The following TUBGCP5 variants were observed in gnomAD, a reference collection of about 807,000 sequenced individuals.
The protein encoded by TUBGCP5 is tubulin gamma complex component 5.
In TUBGCP5, 98 loss-of-function variants were observed where a neutral mutation model predicts 134.7. The observed-to-expected ratio is 0.73, with a 90% CI of 0.62 to 0.86. The LOEUF (loss-of-function observed/expected upper bound fraction) is 0.86, where lower values mean the gene tolerates loss of function less well. TUBGCP5 is among the 40% of genes least tolerant of loss of function. The pLI, the probability that TUBGCP5 is intolerant of heterozygous loss-of-function variation, is 0.00. For synonymous variants in TUBGCP5, 456 were observed against 431.4 expected, an observed-to-expected ratio of 1.06 and a Z score of -0.71; for missense variants, 1,150 against 1,244.8, an observed-to-expected ratio of 0.92 and a Z score of 1.15.
At chr15:23,007,056 T>A (rs2064758618) in intron 16 of TUBGCP5, among the ~76,000 whole-genome samples, 1 of 152,124 alleles carries the variant, frequency 6.6e-6, no homozygotes, top group East Asian at 1.9e-4. Flanking sequence ...AAATCAGAGA[T>A]GTCACAGGGC....
intron 20 of TUBGCP5, 65 bp from the exon 21 acceptor site, chr15:23,003,218 T>A: frequency 6.8e-7 from 1 of 1,468,146 alleles, no homozygotes; most frequent in African/African-American, 1.4e-5. Flanking sequence ...CCAACACTTT[T>A]ACCTATTTTA....
intron 13 of TUBGCP5, among the ~76,000 whole-genome samples, chr15:23,012,403 C>G (rs552998533): frequency 1.3e-5 from 2 of 152,018 alleles, no homozygotes; most frequent in Non-Finnish European, 2.9e-5. Context: ...CCTTTTTAGT[C>G]AGTTGATAAA....
intron 22 of TUBGCP5, 178 bp downstream of exon 22, chr15:23,000,391 C>CA (rs1474106043): frequency 7.3e-7 from 1 of 1,378,358 alleles, no homozygotes; most frequent in East Asian, 2.6e-5. Context: ...GGCTTACACT[C>CA]ACCTCACCGT....
At chr15:23,021,925 G>A (rs1195936970) in intron 11 of TUBGCP5, 34 bp downstream of exon 11, 3 of 1,598,078 alleles carry the variant, frequency 1.9e-6, no homozygotes, top group Non-Finnish European at 1.7e-6. Flanking sequence ...TGTGCAGCAT[G>A]GAGTCACACA....
rs199739927 is a variant in TUBGCP5 at position 23,021,958 on chromosome 15, C to T, written c.1371+1G>A. 1.5e-5 allele frequency: 24 copies of T among 1,613,908 alleles called. No homozygotes were observed. The highest frequency in any genetic ancestry group is 1.9e-5 in the Non-Finnish European group (22 of 1,179,910). The stretch of plus-strand genomic sequence containing the variant: ...ACACTTTAGGCAGAAGTCTCACTTA[C>T]GGTTTGCTCAGAGGCTTCTCCAACA... On this transcript the variant is annotated splice_donor_variant, in intron 11 of 22. Coordinates refer to ENST00000615383, the MANE Select transcript of TUBGCP5 (RefSeq NM_052903.6). LOFTEE classifies it high-confidence loss of function.
rs1439558874 is a variant in TUBGCP5 at position 23,036,491 on chromosome 15, C to G, written c.309+406G>C. On this transcript the variant is annotated intron_variant, in intron 3 of 22. Transcript: ENST00000615383. Reference sequence around the variant, plus strand: ...CTTTTTTTTTTTAAGTTCTGTGAATCCTTTGAGCAAATCATTATGCCAAAA... The same window carrying G: ...CTTTTTTTTTTTAAGTTCTGTGAATGCTTTGAGCAAATCATTATGCCAAAA... Among the ~76,000 whole-genome samples the G allele has an allele frequency of 2.0e-5, 3 of 151,514 alleles. No individual in the cohort carries two copies. The Admixed American group carries it at 2.0e-4, about 10-fold the overall frequency.
chr15:23,039,499 C>T lies in TUBGCP5; in HGVS notation c.45G>A (p.Gln15=), dbSNP rs1424453914. The T allele has an allele frequency of 4.0e-6, 6 of 1,512,496 alleles. No individual in the cohort carries two copies. The highest frequency in any genetic ancestry group is 5.3e-6 in the Non-Finnish European group (6 of 1,123,612). The allele number at this position is 1,512,496 out of a possible 1,614,324, so 93.7% of individuals were successfully genotyped here. A position where few individuals can be genotyped will look rare whatever the true frequency, so the allele number is the denominator to read the frequency against. Residue 15 remains glutamine, a synonymous_variant, in exon 1 of 23, where the codon CAG becomes CAA. Coordinates refer to ENST00000615383, the MANE Select transcript of TUBGCP5 (RefSeq NM_052903.6). Reference sequence around the variant, plus strand: ...GGACGAGCTCCCGCACGTCGCGCTCCTGCTGCGCGTCCAACCGACTCCACG... The same window carrying T: ...GGACGAGCTCCCGCACGTCGCGCTCTTGCTGCGCGTCCAACCGACTCCACG... ...GPPWSRLDAQ[Q]ERDVRELVRG...
chr15:23,035,676 G>C (rs949567696), intron 3 of TUBGCP5, among the ~76,000 whole-genome samples: 7 of 152,046 alleles, frequency 4.6e-5, no homozygotes, highest in African/African-American at 1.7e-4. Flanking sequence ...GCACATATTG[G>C]TACTCGTCCA....
At chr15:23,016,503 A>T (rs1320464006) in intron 13 of TUBGCP5, among the ~76,000 whole-genome samples, 1 of 151,960 alleles carries the variant, frequency 6.6e-6, no homozygotes, top group Non-Finnish European at 1.5e-5. Flanking sequence ...TCAGGAAAAA[A>T]AAAAAAAAAA....
chr15:23,022,143 G>T lies in TUBGCP5; in HGVS notation c.1187C>A (p.Ala396Glu). The T allele has an allele frequency of 6.2e-7, 1 of 1,614,136 alleles. No individual in the cohort carries two copies. Among genetic ancestry groups the T allele is most frequent in the Non-Finnish European group, 8.5e-7 (1 of 1,180,014 alleles). ...AGGTGCCAACTTGTCCACCACTATT[G>T]CAAGAGTTATTGTAGTATCTGCAAA... ...IINNDTTITLAIVVDKLAPRL... is the reference protein window; with the variant it reads ...IINNDTTITLEIVVDKLAPRL... The change falls in exon 11 of 23, where the codon GCA becomes GAA. Residue 396 changes from alanine to glutamate, a missense_variant. Ala to Glu is a moderately radical substitution (Grantham distance 107, BLOSUM62 -1). Coordinates refer to ENST00000615383, the MANE Select transcript of TUBGCP5 (RefSeq NM_052903.6).
rs28884540 is a variant in TUBGCP5 at position 23,034,716 on chromosome 15, G to A, written c.310-1892C>T. Among the ~76,000 whole-genome samples, 1,064 of 152,020 alleles carry A rather than the reference G, an allele frequency of 7.0e-3. 16 individuals are homozygous for A. Among genetic ancestry groups the A allele is most frequent in the African/African-American group, 0.024 (996 of 41,480 alleles). ...TCTACTAAAAATACAAAAATTAGCC[G>A]GGCGGGGTGGTGTACGCTTGTAATC... On this transcript the variant is annotated intron_variant, in intron 3 of 22. Coordinates refer to ENST00000615383, the MANE Select transcript of TUBGCP5 (RefSeq NM_052903.6).
At chr15:22,984,645 T>A (rs185059078) in intron 23 of TUBGCP5, among the ~76,000 whole-genome samples, 82 of 152,082 alleles carry the variant, frequency 5.4e-4, no homozygotes, top group Middle Eastern at 3.4e-3. Context: ...AAACTTTTTT[T>A]AAAAATGGTG....
rs76128783 is a variant in TUBGCP5 at position 23,022,398 on chromosome 15, A to G, written c.1169-237T>C. On this transcript the variant is annotated intron_variant, in intron 10 of 22. Transcript: ENST00000615383. ...TAAAGGAACTGACAGTTCATAAAAA[A>G]GGAATGATGAGTGATTCTAAAACAT... is the stretch of plus-strand genomic sequence containing the variant. Among the ~76,000 whole-genome samples the G allele has an allele frequency of 6.2e-3, 948 of 152,342 alleles. 11 individuals are homozygous for G. Among genetic ancestry groups the G allele is most frequent in the African/African-American group, 0.021 (880 of 41,582 alleles).
intron 23 of TUBGCP5, among the ~76,000 whole-genome samples, chr15:22,986,251 C>T (rs1045631686): frequency 8.6e-5 from 13 of 151,630 alleles, no homozygotes; most frequent in Non-Finnish European, 1.8e-4. Context: ...TAAAATGGTG[C>T]CACTATGGAA....
intron 23 of TUBGCP5, among the ~76,000 whole-genome samples, chr15:22,988,550 A>T (rs56747278): frequency 6.6e-6 from 1 of 151,010 alleles, no homozygotes; most frequent in African/African-American, 2.4e-5. Flanking sequence ...TGGCTAACAC[A>T]GTGAAACCCC....
At chr15:23,035,934 G>GGGGAGACAAGAAA (rs2066563886) in intron 3 of TUBGCP5, among the ~76,000 whole-genome samples, 1 of 152,160 alleles carries the variant, frequency 6.6e-6, no homozygotes, top group African/African-American at 2.4e-5. Flanking sequence ...CCTTTTAAAG[G>GGGGAGACAAGAAA]GGGAGACAAG....
At chr15:23,011,015 G>A in intron 14 of TUBGCP5, 118 bp downstream of exon 14, 11 of 919,812 alleles carry the variant, frequency 1.2e-5, no homozygotes, top group African/African-American at 1.7e-5. Flanking sequence ...AAAGAAAAAA[G>A]AAAGGATAGC....
chr15:23,020,911 T>C (rs1413152836), intron 11 of TUBGCP5, among the ~76,000 whole-genome samples: 2 of 152,096 alleles, frequency 1.3e-5, no homozygotes, highest in Non-Finnish European at 2.9e-5. Context: ...GCTACCTTTT[T>C]TGAGACAGAG....
Position 23,027,227 on chromosome 15 carries a change from A to G in TUBGCP5, c.702T>C (p.His234=). ...YWTARPSQFP[H]SLHLHSNLAA... ...CTAAATTAGAGTGCAAATGTAAACT[A>G]TGAGGAAACTGGGAGGGCCTGGCTG... The change falls in exon 7 of 23, where the codon CAT becomes CAC. Residue 234 remains histidine, a synonymous_variant. Transcript: ENST00000615383. 1.2e-6 allele frequency: 2 copies of G among 1,613,970 alleles called. No homozygotes were observed. Among genetic ancestry groups the G allele is most frequent in the East Asian group, 2.2e-5 (1 of 44,882 alleles).
Sources: allele counts gnomAD v4.1 joint callset (sites outside exome capture counted in the v4.1 genomes callset), GRCh38; gene constraint gnomAD v4.1.1; transcripts MANE v1.5; gene names NCBI Gene and HGNC (gene_info 2026-07-23, HGNC 2026-07-21).